The following KCND2 variants were observed in gnomAD, a reference collection of about 807,000 sequenced individuals.
The protein encoded by KCND2 is potassium voltage-gated channel subfamily D member 2, also known as A-type voltage-gated potassium channel KCND2.
KCND2 carries 16 observed loss-of-function variants against 54.4 expected under a neutral mutation model. The observed-to-expected ratio is 0.29, with a 90% confidence interval of 0.20 to 0.45. The LOEUF (loss-of-function observed/expected upper bound fraction) is 0.45. KCND2 is among the 20% of genes least tolerant of loss of function. KCND2 has a pLI of 1.00. For synonymous variants in KCND2, 317 were observed against 310.7 expected (o/e 1.02, Z -0.21); for missense variants, 486 against 824.2 (o/e 0.59, Z 5.02).
At chr7:120,400,855 G>C (rs1801241920) in intron 1 of KCND2, among the ~76,000 whole-genome samples, 1 of 151,754 alleles carries the variant, frequency 6.6e-6, no homozygotes, top group African/African-American at 2.4e-5. Context: ...ATGAGATCAA[G>C]AAAACTTCTT....
At chr7:120,494,055 A>G (rs1248591827) in intron 1 of KCND2, among the ~76,000 whole-genome samples, 1 of 152,164 alleles carries the variant, frequency 6.6e-6, no homozygotes, top group Non-Finnish European at 1.5e-5. Context: ...ATTTTTAGGA[A>G]GTTTAAAGAT....
At chr7:120,362,842 T>G (rs1258195240) in intron 1 of KCND2, among the ~76,000 whole-genome samples, 2 of 152,110 alleles carry the variant, frequency 1.3e-5, no homozygotes, top group African/African-American at 4.8e-5. Context: ...TTTTCTGTTT[T>G]TCCGTTGACC....
chr7:120,501,876 A>C (rs1802940490), intron 1 of KCND2, among the ~76,000 whole-genome samples: 1 of 152,080 alleles, frequency 6.6e-6, no homozygotes, highest in African/African-American at 2.4e-5. Context: ...GGTGACTAGA[A>C]GAAAAATGTT....
At chr7:120,677,432 C>T (rs1358496407) in intron 1 of KCND2, among the ~76,000 whole-genome samples, 1 of 151,764 alleles carries the variant, frequency 6.6e-6, no homozygotes, top group Non-Finnish European at 1.5e-5. Context: ...GTTCCATATC[C>T]AGCTAGTCTT....
At chr7:120,436,942 A>G (rs1033678099) in intron 1 of KCND2, among the ~76,000 whole-genome samples, 1 of 152,130 alleles carries the variant, frequency 6.6e-6, no homozygotes, top group Non-Finnish European at 1.5e-5. Context: ...TGGAGACTTG[A>G]TCTATGGATA....
At chr7:120,357,391 A>C (rs1800521879) in intron 1 of KCND2, among the ~76,000 whole-genome samples, 1 of 152,106 alleles carries the variant, frequency 6.6e-6, no homozygotes, top group Non-Finnish European at 1.5e-5. Flanking sequence ...CTGGTATTTT[A>C]AGTGATTTTT....
rs138409453 is a variant in KCND2 at position 120,284,295 on chromosome 7, G to GCA, written c.1115+8560_1115+8561dup. ...GGCTAACACACACACACATGCACAC[G>GCA]CACACACACACACGCGCGCACACTC... is the stretch of plus-strand genomic sequence containing the variant. On this transcript the variant is annotated intron_variant, in intron 1 of 5. Transcript: ENST00000331113. Among the ~76,000 whole-genome samples the GCA allele has an allele frequency of 5.0e-4, 76 of 151,028 alleles. No homozygotes were observed. The South Asian group carries it at 9.4e-3, about 19-fold the overall frequency.
At chr7:120,577,630 G>C (rs558555505) in intron 1 of KCND2, among the ~76,000 whole-genome samples, 1 of 152,318 alleles carries the variant, frequency 6.6e-6, no homozygotes, top group South Asian at 2.1e-4. Context: ...TTGTCACCCA[G>C]GCTGGAGTGC....
intron 1 of KCND2, among the ~76,000 whole-genome samples, chr7:120,474,346 T>C (rs943238768): frequency 1.3e-5 from 2 of 152,050 alleles, no homozygotes; most frequent in Non-Finnish European, 2.9e-5. Flanking sequence ...TTGTTGTTGT[T>C]GTTGTTTTGA....
intron 1 of KCND2, among the ~76,000 whole-genome samples, chr7:120,590,177 C>T (rs1013974869): frequency 3.3e-5 from 5 of 152,044 alleles, no homozygotes; most frequent in Admixed American, 3.3e-4. Context: ...TGCCACCATG[C>T]CTGCCTAATT....
chr7:120,724,366 T>C (rs1792706109), intron 1 of KCND2, among the ~76,000 whole-genome samples: 1 of 152,186 alleles, frequency 6.6e-6, no homozygotes, highest in Admixed American at 6.5e-5. Flanking sequence ...GAATTGACAT[T>C]TGAGCTTCAT....
At chr7:120,698,865 T>C (rs1295320085) in intron 1 of KCND2, among the ~76,000 whole-genome samples, 1 of 152,244 alleles carries the variant, frequency 6.6e-6, no homozygotes, top group African/African-American at 2.4e-5. Context: ...ACTGTGACTT[T>C]TCAAAAATTC....
At chr7:120,548,533 G>C (rs535288618) in intron 1 of KCND2, among the ~76,000 whole-genome samples, 2 of 151,954 alleles carry the variant, frequency 1.3e-5, no homozygotes. Flanking sequence ...ATCCCCAAAG[G>C]GATTGATTTC....
At chr7:120,574,951 T>C (rs901086503) in intron 1 of KCND2, among the ~76,000 whole-genome samples, 1 of 152,126 alleles carries the variant, frequency 6.6e-6, no homozygotes, top group Non-Finnish European at 1.5e-5. Context: ...TAAATAAATA[T>C]GATCCTTAAT....
intron 1 of KCND2, among the ~76,000 whole-genome samples, chr7:120,658,629 A>G (rs192868398): frequency 5.3e-4 from 81 of 152,302 alleles, no homozygotes; most frequent in Non-Finnish European, 9.4e-4. Flanking sequence ...CAGCACCATC[A>G]TAGACACCAA....
chr7:120,317,925 A>G (rs1799836319), intron 1 of KCND2, among the ~76,000 whole-genome samples: 1 of 152,216 alleles, frequency 6.6e-6, no homozygotes, highest in African/African-American at 2.4e-5. Context: ...ATCTTCCTGC[A>G]GTCAGCCTAG....
In KCND2 at chr7:120,675,130, T is replaced by G. The variant is rs1352513590; in HGVS notation, c.1116-57773T>G. ...TACTCAACTTTCTTATCTAGTAATT[T>G]AGAGTCACTGCAAATTGTTCAACTC... On this transcript the variant is annotated intron_variant, in intron 1 of 5. Transcript: ENST00000331113. 2.6e-5 allele frequency among the ~76,000 whole-genome samples: 4 copies of G among 152,180 alleles called. No homozygotes were observed. In the East Asian group the frequency reaches 7.7e-4, roughly 29 times the overall value.
chr7:120,437,425 C>G (rs762878839), intron 1 of KCND2, among the ~76,000 whole-genome samples: 13 of 152,084 alleles, frequency 8.5e-5, no homozygotes, highest in Non-Finnish European at 1.9e-4. Flanking sequence ...TGCTCTCAAA[C>G]TCCTGGCCTC....
At chr7:120,470,613 G>T (rs1056350935) in intron 1 of KCND2, among the ~76,000 whole-genome samples, 1 of 151,822 alleles carries the variant, frequency 6.6e-6, no homozygotes, top group Non-Finnish European at 1.5e-5. Context: ...TGTTTTCAGA[G>T]AAAATAGTAA....
Sources: allele counts gnomAD v4.1 joint callset (sites outside exome capture counted in the v4.1 genomes callset), GRCh38; gene constraint gnomAD v4.1.1; transcripts MANE v1.5; gene names NCBI Gene and HGNC (gene_info 2026-07-23, HGNC 2026-07-21).